Variants in LETM1 observed in about 807,000 individuals in gnomAD.
The protein encoded by LETM1 is mitochondrial proton/calcium exchanger protein.
A neutral mutation model predicts 74.5 loss-of-function variants in LETM1; 50 were observed. The observed-to-expected ratio is 0.67, with a 90% CI of 0.53 to 0.85. LETM1 has a LOEUF of 0.85. Ranked by LOEUF, LETM1 falls within the 40% of genes least tolerant of loss-of-function variation. LETM1 has a pLI of 0.00. For missense variants in LETM1, 824 were observed against 967.8 expected (o/e 0.85, Z 1.97); for synonymous variants, 446 against 407.1 (o/e 1.10, Z -1.15).
intron 10 of LETM1, among the ~76,000 whole-genome samples, chr4:1,821,506 T>C (rs923538753): frequency 1.3e-5 from 2 of 151,552 alleles, no homozygotes; most frequent in African/African-American, 4.8e-5. Flanking sequence ...CTGGCTAACA[T>C]GGTGAAACCC....
chr4:1,849,090 C>T, intron 2 of LETM1, 59 bp downstream of exon 2: 2 of 1,188,134 alleles, frequency 1.7e-6, no homozygotes, highest in South Asian at 1.2e-5. Context: ...CGTGACTCTC[C>T]ACCATTTTCA....
chr4:1,828,232 G>A (rs1379819770), intron 6 of LETM1, among the ~76,000 whole-genome samples: 3 of 33,014 alleles, frequency 9.1e-5, no homozygotes, highest in African/African-American at 1.2e-4. Context: ...GGGGCTGACC[G>A]CCCCCCACCT....
At position 1,815,769 on chromosome 4, in the gene LETM1, G is replaced by A. The variant is rs765510397; in HGVS notation, c.1965C>T (p.Asn655=). 4.9e-5 allele frequency: 79 copies of A among 1,614,076 alleles called. No homozygotes were observed. The East Asian group carries it at 6.5e-4, about 13-fold the overall frequency. ...GAATGTGCTTGACTTGCTTCATGGC[G>A]TTGATGAGCTCAGCGACACTGATGA... The part of the protein sequence containing the change: ...ENVISVAELI[N]AMKQVKHIPE... The change falls in exon 13 of 14, where the codon AAC becomes AAT. Residue 655 remains asparagine (N), a synonymous_variant. Coordinates refer to ENST00000302787, the MANE Select transcript of LETM1 (RefSeq NM_012318.3).
intron 6 of LETM1, among the ~76,000 whole-genome samples, chr4:1,827,318 C>G (rs982546234): frequency 3.0e-5 from 2 of 65,904 alleles, no homozygotes; most frequent in African/African-American, 1.2e-4. Context: ...ATTGATAATT[C>G]TTGGGTGTTT....
At chr4:1,855,350 T>G (rs1007952539) in intron 1 of LETM1, among the ~76,000 whole-genome samples, 10 of 151,794 alleles carry the variant, frequency 6.6e-5, no homozygotes, top group African/African-American at 2.4e-4. Flanking sequence ...GGCTCCGGAG[T>G]CCCCGTGTTC....
chr4:1,828,551 C>CAG (rs1439986547), intron 6 of LETM1, among the ~76,000 whole-genome samples: 1 of 50,026 alleles, frequency 2.0e-5, no homozygotes, highest in South Asian at 7.7e-4. Flanking sequence ...GCTGGCCGGG[C>CAG]GGGGGCTGAC....
chr4:1,822,495 G>A (rs967204174), intron 9 of LETM1, 183 bp from the exon 10 acceptor site: 1 of 550,160 alleles, frequency 1.8e-6, no homozygotes, highest in Non-Finnish European at 2.8e-6. Flanking sequence ...GTCACCTGGG[G>A]CCCTCTCCAG....
intron 6 of LETM1, among the ~76,000 whole-genome samples, chr4:1,831,736 C>T (rs1712277094): frequency 6.6e-6 from 1 of 152,254 alleles, no homozygotes; most frequent in African/African-American, 2.4e-5. Flanking sequence ...ATGACTGGCC[C>T]TCAACCTGCT....
chr4:1,855,072 A>G (rs1713191561), intron 1 of LETM1, among the ~76,000 whole-genome samples: 1 of 152,144 alleles, frequency 6.6e-6, no homozygotes, highest in Non-Finnish European at 1.5e-5. Context: ...TGGCACAACT[A>G]ACAACTTGGG....
intron 6 of LETM1, among the ~76,000 whole-genome samples, chr4:1,831,201 G>A (rs1461153633): frequency 6.6e-6 from 1 of 152,184 alleles, no homozygotes; most frequent in Non-Finnish European, 1.5e-5. Context: ...TCTCTCAATG[G>A]CATTGACCTC....
Position 1,819,481 on chromosome 4 carries a change from A to T in LETM1, c.1609-9T>A. On this transcript the variant is annotated splice_polypyrimidine_tract_variant and intron_variant, in intron 10 of 13. Coordinates refer to ENST00000302787, the MANE Select transcript of LETM1 (RefSeq NM_012318.3). ...TTCGTGATCTCTTCCTCCTGGGATA[A>T]AAATGGGCAAACAACAAAGCCTGAG... is the stretch of plus-strand genomic sequence containing the variant. The T allele has an allele frequency of 6.2e-7, 1 of 1,609,054 alleles. No homozygotes were observed. Among genetic ancestry groups the T allele is most frequent in the South Asian group, 1.1e-5 (1 of 90,172 alleles).
chr4:1,855,841 GC>G, intron 1 of LETM1, 27 bp downstream of exon 1: 1 of 1,204,764 alleles, frequency 8.3e-7, no homozygotes, highest in Admixed American at 4.4e-5. Flanking sequence ...CCGGGAGCCG[GC>G]CCCGCCCTGG....
intron 8 of LETM1, 71 bp downstream of exon 8, chr4:1,823,573 C>T: frequency 1.9e-6 from 3 of 1,589,822 alleles, no homozygotes; most frequent in Non-Finnish European, 2.6e-6. Context: ...GCTTGCACAC[C>T]TCCCCCCACC....
chr4:1,828,328 T>C (rs1374673287), intron 6 of LETM1, among the ~76,000 whole-genome samples: 1 of 97,558 alleles, frequency 1.0e-5, no homozygotes, highest in Admixed American at 1.0e-4. Context: ...GCAGGGGGGC[T>C]GACCCCCCCC....
chr4:1,849,407 G>GGTGCCCACCACC (rs1309576815), intron 1 of LETM1, among the ~76,000 whole-genome samples, 198 bp from the exon 2 acceptor site: 3 of 152,100 alleles, frequency 2.0e-5, no homozygotes, highest in African/African-American at 4.8e-5. Context: ...TGGAATTACA[G>GGTGCCCACCACC]GTGCCCACCA....
chr4:1,855,912 C>T lies in LETM1; in HGVS notation c.39G>A (p.Ala13=), dbSNP rs1398451865. The T allele has an allele frequency of 3.1e-5, 38 of 1,237,254 alleles. No homozygotes were observed. Among genetic ancestry groups the T allele is most frequent in the Non-Finnish European group, 3.7e-5 (37 of 993,122 alleles). 76.6% of individuals were successfully genotyped at this position (1,237,254 alleles called of 1,614,324 possible). A position where few individuals can be genotyped will look rare whatever the true frequency, so the allele number is the denominator to read the frequency against. Residue 13 remains alanine (A), a synonymous_variant, in exon 1 of 14, where the codon GCG becomes GCA. Coordinates refer to ENST00000302787, the MANE Select transcript of LETM1 (RefSeq NM_012318.3). ...GAGGCGGCGGCGGGAGGCGGGCGGG[C>T]GCCCGGCCGCGGCAGCTCCTCAGTA... ...SILLRSCRGR[A]PARLPPPPRY... is the part of the protein sequence containing the mutation.
intron 2 of LETM1, among the ~76,000 whole-genome samples, chr4:1,848,648 G>A (rs183430142): frequency 0.013 from 1,973 of 149,520 alleles, 26 homozygotes; most frequent in African/African-American, 0.032. Flanking sequence ...CCTGGGAGGC[G>A]GAGGTTGCAG....
chr4:1,821,562 G>A (rs1167855957), intron 10 of LETM1, among the ~76,000 whole-genome samples: 28 of 152,174 alleles, frequency 1.8e-4, no homozygotes, highest in African/African-American at 6.5e-4. Context: ...GGTGGTGCAC[G>A]CCTGTACTCC....
intron 5 of LETM1, 183 bp from the exon 6 acceptor site, chr4:1,833,130 G>A (rs1712339281): frequency 5.0e-6 from 3 of 597,236 alleles, no homozygotes; most frequent in South Asian, 4.0e-5. Flanking sequence ...GGAATGCAGT[G>A]GTGTAATCTC....
Sources: gnomAD v4.1 joint callset for allele counts (sites outside exome capture counted in the v4.1 genomes callset) on GRCh38, gnomAD v4.1.1 for gene constraint, MANE v1.5 for transcripts, NCBI Gene and HGNC (gene_info 2026-07-23, HGNC 2026-07-21) for gene names.